Variants in PTPRG observed in about 807,000 individuals in gnomAD.
PTPRG encodes receptor-type tyrosine-protein phosphatase gamma.
In PTPRG, 102 loss-of-function variants were observed where a neutral mutation model predicts 165.3. The observed-to-expected ratio is 0.62, with a 90% confidence interval of 0.53 to 0.73. PTPRG has a LOEUF of 0.73. Among genes scored for constraint, PTPRG ranks in the 30% least tolerant of loss-of-function variants. PTPRG has a pLI of 0.00. For missense variants in PTPRG, 1,866 were observed against 1,861.4 expected (o/e 1.00, Z -0.05); for synonymous variants, 675 against 669.5 (o/e 1.01, Z -0.13).
chr3:61,991,336 G>A (rs1221567769), intron 3 of PTPRG, among the ~76,000 whole-genome samples: 1 of 152,192 alleles, frequency 6.6e-6, no homozygotes, highest in Non-Finnish European at 1.5e-5. Flanking sequence ...CTCCCAAGTA[G>A]CTGGGATTAC....
At chr3:61,673,707 C>T (rs1703113301) in intron 1 of PTPRG, among the ~76,000 whole-genome samples, 1 of 152,094 alleles carries the variant, frequency 6.6e-6, no homozygotes, top group Non-Finnish European at 1.5e-5. Flanking sequence ...GAGTAATGTA[C>T]CTTATACCCA....
At chr3:62,179,951 A>G (rs1037795928) in intron 8 of PTPRG, among the ~76,000 whole-genome samples, 1 of 152,216 alleles carries the variant, frequency 6.6e-6, no homozygotes, top group African/African-American at 2.4e-5. Flanking sequence ...AGGAGTAGCA[A>G]GTGGCCAGGA....
intron 1 of PTPRG, among the ~76,000 whole-genome samples, chr3:61,655,626 C>CT (rs1277078688): frequency 6.6e-6 from 1 of 152,088 alleles, no homozygotes; most frequent in Non-Finnish European, 1.5e-5. Flanking sequence ...GAAACAGGGT[C>CT]TTACTTTGTC....
At chr3:61,596,283 A>C (rs968334423) in intron 1 of PTPRG, among the ~76,000 whole-genome samples, 5 of 152,334 alleles carry the variant, frequency 3.3e-5, no homozygotes, top group Admixed American at 6.5e-5. Flanking sequence ...CATTTAGCTT[A>C]AATTAAGTGG....
intron 4 of PTPRG, among the ~76,000 whole-genome samples, chr3:62,052,527 C>T (rs1700499292): frequency 6.6e-6 from 1 of 152,094 alleles, no homozygotes; most frequent in South Asian, 2.1e-4. Context: ...GATTGCATCT[C>T]TACAAAAAAA....
At chr3:62,013,545 T>A (rs2041474798) in intron 4 of PTPRG, among the ~76,000 whole-genome samples, 1 of 152,180 alleles carries the variant, frequency 6.6e-6, no homozygotes, top group Admixed American at 6.5e-5. Context: ...TATTCAGGAT[T>A]TTTGCTAAAC....
intron 1 of PTPRG, among the ~76,000 whole-genome samples, chr3:61,625,707 G>C (rs984397880): frequency 6.6e-6 from 1 of 152,184 alleles, no homozygotes; most frequent in Non-Finnish European, 1.5e-5. Context: ...CTACTACAGA[G>C]TGCCCAAGAC....
intron 1 of PTPRG, among the ~76,000 whole-genome samples, chr3:61,675,862 AGATCTACAC>A (rs1346625346): frequency 6.6e-6 from 1 of 152,156 alleles, no homozygotes; most frequent in African/African-American, 2.4e-5. Context: ...ACATCTCCCC[AGATCTACAC>A]ATTCACACCA....
At chr3:61,850,175 A>T (rs541818481) in intron 2 of PTPRG, among the ~76,000 whole-genome samples, 1 of 151,756 alleles carries the variant, frequency 6.6e-6, no homozygotes, top group African/African-American at 2.4e-5. Context: ...TTTATTTTTT[A>T]TTTTTGAAAC....
At chr3:61,650,066 C>G (rs1276705209) in intron 1 of PTPRG, among the ~76,000 whole-genome samples, 1 of 152,146 alleles carries the variant, frequency 6.6e-6, no homozygotes, top group Non-Finnish European at 1.5e-5. Flanking sequence ...AATTCTTCCA[C>G]CTTTTCTTCC....
intron 15 of PTPRG, among the ~76,000 whole-genome samples, chr3:62,251,674 A>G (rs934416473): frequency 6.6e-6 from 1 of 152,164 alleles, no homozygotes; most frequent in Non-Finnish European, 1.5e-5. Flanking sequence ...ATCAAGTGAT[A>G]TTTATCAGAT....
chr3:61,633,494 C>A (rs1353224516), intron 1 of PTPRG, among the ~76,000 whole-genome samples: 1 of 152,112 alleles, frequency 6.6e-6, no homozygotes, highest in African/African-American at 2.4e-5. Flanking sequence ...TTGTTCATTG[C>A]TAATGTATAA....
At chr3:62,134,959 G>C (rs920206409) in intron 6 of PTPRG, among the ~76,000 whole-genome samples, 2 of 152,180 alleles carry the variant, frequency 1.3e-5, no homozygotes, top group Non-Finnish European at 2.9e-5. Context: ...GAGGACATTA[G>C]AAATAGTTTT....
In PTPRG at chr3:62,130,890, C is replaced by A. The variant is rs78632738; in HGVS notation, c.616-1712C>A. On this transcript the variant is annotated intron_variant, in intron 5 of 29. Coordinates refer to ENST00000474889, the MANE Select transcript of PTPRG (RefSeq NM_002841.4). ...ATTTGTAGGCACACTTATGCCAACT[C>A]CCAGAATTCCACCTTTATGGTCTGA... Among the ~76,000 whole-genome samples, 561 of 152,170 alleles carry A rather than the reference C, an allele frequency of 3.7e-3. 3 individuals are homozygous for A. The highest frequency in any genetic ancestry group is 0.012 in the African/African-American group (482 of 41,522).
At chr3:61,598,777 C>T (rs1038376887) in intron 1 of PTPRG, among the ~76,000 whole-genome samples, 1 of 152,012 alleles carries the variant, frequency 6.6e-6, no homozygotes, top group Non-Finnish European at 1.5e-5. Flanking sequence ...TTCTCAGGGT[C>T]GTGAGGGAGA....
At chr3:61,698,958 GA>G (rs1187482969) in intron 1 of PTPRG, among the ~76,000 whole-genome samples, 13 of 151,820 alleles carry the variant, frequency 8.6e-5, no homozygotes, top group South Asian at 4.2e-4. Context: ...TCATAGGTGG[GA>G]AATTGAACAA....
intron 2 of PTPRG, among the ~76,000 whole-genome samples, chr3:61,932,289 TC>T (rs1331009086): frequency 6.6e-6 from 1 of 152,212 alleles, no homozygotes; most frequent in East Asian, 1.9e-4. Context: ...CATGGAATTA[TC>T]CCAATGTGGG....
intron 5 of PTPRG, among the ~76,000 whole-genome samples, chr3:62,127,987 T>C (rs1350771726): frequency 1.3e-5 from 2 of 152,190 alleles, no homozygotes; most frequent in Non-Finnish European, 2.9e-5. Flanking sequence ...GAAGTTTAGA[T>C]TTCATGAGCG....
At chr3:61,838,697 G>T (rs2036538250) in intron 2 of PTPRG, among the ~76,000 whole-genome samples, 1 of 152,138 alleles carries the variant, frequency 6.6e-6, no homozygotes, top group African/African-American at 2.4e-5. Flanking sequence ...ACACTGTAAT[G>T]TTCCATATCA....
Sources: allele counts gnomAD v4.1 joint callset (sites outside exome capture counted in the v4.1 genomes callset), GRCh38; gene constraint gnomAD v4.1.1; transcripts MANE v1.5; gene names NCBI Gene and HGNC (gene_info 2026-07-23, HGNC 2026-07-21).